The following OR7C1 variants were observed in gnomAD, a reference collection of about 807,000 sequenced individuals.
OR7C1 encodes olfactory receptor 7C1.
For synonymous variants in OR7C1, 152 were observed against 160.7 expected (o/e 0.95, Z 0.41); for missense variants, 324 against 383.3 (o/e 0.85, Z 1.29).
At chr19:14,827,455 C>T in intron 1 of OR7C1, 1 of 1,613,982 alleles carries the variant, frequency 6.2e-7, no homozygotes, top group Non-Finnish European at 8.5e-7. Context: ...CGGGTGGCAG[C>T]AGAACTAAGG....
intron 2 of OR7C1, among the ~76,000 whole-genome samples, chr19:14,802,409 A>T (rs1266498032): frequency 6.6e-6 from 1 of 152,138 alleles, no homozygotes; most frequent in Non-Finnish European, 1.5e-5. Flanking sequence ...AATCCCAGCT[A>T]CTTGGGAGGC....
At chr19:14,814,112 T>C (rs2044705328) in intron 1 of OR7C1, among the ~76,000 whole-genome samples, 1 of 150,710 alleles carries the variant, frequency 6.6e-6, no homozygotes, top group South Asian at 2.1e-4. Flanking sequence ...GACATTGGTC[T>C]GGGCAATAAT....
At chr19:14,816,949 C>T (rs530726116) in intron 1 of OR7C1, among the ~76,000 whole-genome samples, 24 of 152,152 alleles carry the variant, frequency 1.6e-4, no homozygotes, top group African/African-American at 5.8e-4. Context: ...AGACAGGAGT[C>T]CACAGAGAAA....
At chr19:14,823,132 G>A (rs1485402715) in intron 1 of OR7C1, among the ~76,000 whole-genome samples, 4 of 152,118 alleles carry the variant, frequency 2.6e-5, no homozygotes, top group African/African-American at 7.2e-5. Flanking sequence ...TATAGCTTCA[G>A]GTGTTATCCT....
intron 1 of OR7C1, among the ~76,000 whole-genome samples, chr19:14,811,487 C>T (rs2044690604): frequency 1.3e-5 from 2 of 151,936 alleles, no homozygotes; most frequent in South Asian, 4.2e-4. Context: ...CCAGGATGAT[C>T]TCATCTCAGG....
At chr19:14,831,221 A>G (rs2044829187) in intron 1 of OR7C1, among the ~76,000 whole-genome samples, 2 of 152,242 alleles carry the variant, frequency 1.3e-5, no homozygotes, top group South Asian at 2.1e-4. Flanking sequence ...ATATCCTAAT[A>G]GAAAAATGGA....
chr19:14,828,664 C>G (rs2044799007), intron 1 of OR7C1, among the ~76,000 whole-genome samples: 2 of 142,198 alleles, frequency 1.4e-5, no homozygotes, highest in Admixed American at 1.6e-4. Context: ...GAGGCTGAGG[C>G]AAGGAGAATC....
At chr19:14,804,986 G>A (rs2044659496) in intron 2 of OR7C1, among the ~76,000 whole-genome samples, 1 of 151,610 alleles carries the variant, frequency 6.6e-6, no homozygotes, top group South Asian at 2.1e-4. Context: ...ATCCTCACAT[G>A]TCAGCCTCCA....
chr19:14,803,830 C>G (rs1426160166), intron 2 of OR7C1, among the ~76,000 whole-genome samples: 1 of 151,942 alleles, frequency 6.6e-6, no homozygotes, highest in African/African-American at 2.4e-5. Context: ...CTGCCTCAGC[C>G]TCCTGAGTAG....
intron 1 of OR7C1, among the ~76,000 whole-genome samples, chr19:14,813,898 T>C (rs1184477767): frequency 6.6e-6 from 1 of 152,152 alleles, no homozygotes; most frequent in Non-Finnish European, 1.5e-5. Flanking sequence ...CCATACCATA[T>C]TGTACACCAT....
chr19:14,824,968 C>G (rs1477210119), intron 1 of OR7C1: 2 of 152,296 alleles, frequency 1.3e-5, no homozygotes, highest in Non-Finnish European at 2.9e-5. Context: ...GTGGTTCATG[C>G]CTGTAATCCC....
At chr19:14,809,495 G>A (rs117782076) in intron 2 of OR7C1, among the ~76,000 whole-genome samples, 2,170 of 151,938 alleles carry the variant, frequency 0.014, 34 homozygotes, top group Non-Finnish European at 0.018. Context: ...GAGATTGAAA[G>A]CAAGAAGAAA....
chr19:14,812,125 G>T (rs1420076949), intron 1 of OR7C1, among the ~76,000 whole-genome samples: 3 of 150,112 alleles, frequency 2.0e-5, no homozygotes, highest in Admixed American at 2.0e-4. Flanking sequence ...CAGTGGATTA[G>T]CAAGGGCATG....
At chr19:14,799,518 C>A in exon 5 of OR7C1, 1 of 1,614,086 alleles carries the variant, frequency 6.2e-7, no homozygotes, top group East Asian at 2.2e-5. Flanking sequence ...GAAATCACAC[C>A]CAGGACGCCA....
intron 2 of OR7C1, among the ~76,000 whole-genome samples, chr19:14,802,241 C>T (rs1315962053): frequency 2.6e-5 from 4 of 152,144 alleles, no homozygotes; most frequent in Non-Finnish European, 5.9e-5. Context: ...TCCAATGGGC[C>T]GGGCGTGGTG....
chr19:14,827,522 G>A (rs1163511941), intron 1 of OR7C1: 1 of 1,614,144 alleles, frequency 6.2e-7, no homozygotes. Context: ...GAGATGCACA[G>A]GTGGAAAATG....
At position 14,813,955 on chromosome 19, in the gene OR7C1, G is replaced by A. The variant is rs370443296; in HGVS notation, c.-622-3962C>T. Among the ~76,000 whole-genome samples the A allele has an allele frequency of 1.7e-4, 26 of 152,172 alleles. 1 individual carries two copies. The highest frequency in any genetic ancestry group is 6.3e-4 in the African/African-American group (26 of 41,516). Reference sequence around the variant, plus strand: ...GTCAGTCTCTTTAATAAATGCCATTGGGAAAACTTGATATCCACATGTGTA... The same window carrying A: ...GTCAGTCTCTTTAATAAATGCCATTAGGAAAACTTGATATCCACATGTGTA... On this transcript the variant is annotated intron_variant, in intron 1 of 4. Coordinates refer to ENST00000641666, the Ensembl canonical transcript of OR7C1.
At chr19:14,825,962 T>C (rs567579925) in intron 1 of OR7C1, 1 of 152,346 alleles carries the variant, frequency 6.6e-6, no homozygotes, top group Admixed American at 6.5e-5. Flanking sequence ...TTTTGGCATT[T>C]GTTCTAATAC....
chr19:14,811,430 G>A (rs1022282783), intron 1 of OR7C1, among the ~76,000 whole-genome samples: 4 of 151,758 alleles, frequency 2.6e-5, no homozygotes, highest in East Asian at 1.9e-4. Flanking sequence ...TGTGCATGTC[G>A]CTTATAAAGA....
Sources: gnomAD v4.1 joint callset for allele counts (sites outside exome capture counted in the v4.1 genomes callset) on GRCh38, gnomAD v4.1.1 for gene constraint, MANE v1.5 for transcripts, NCBI Gene and HGNC (gene_info 2026-07-23, HGNC 2026-07-21) for gene names.